The following PRKCA variants were observed in gnomAD, a reference collection of about 807,000 sequenced individuals.
PRKCA encodes protein kinase C alpha.
PRKCA carries 27 observed loss-of-function variants against 87.0 expected under a neutral mutation model. The ratio of observed to expected loss-of-function variants is 0.31; its 90% CI spans 0.23 to 0.43. The LOEUF is 0.43. Ranked by LOEUF, PRKCA falls within the 20% of genes least tolerant of loss-of-function variation. The probability of loss-of-function intolerance (pLI) is 1.00; values close to 1 mark genes in which losing one functional copy is unlikely to be tolerated. For synonymous variants in PRKCA, 329 were observed against 311.1 expected (o/e 1.06, Z -0.61); for missense variants, 518 against 852.3 (o/e 0.61, Z 4.88).
At chr17:66,451,387 A>ATTG (rs1914311425) in intron 2 of PRKCA, among the ~76,000 whole-genome samples, 3 of 126,466 alleles carry the variant, frequency 2.4e-5, no homozygotes, top group African/African-American at 8.7e-5. Context: ...TTTATTTATT[A>ATTG]CCTAAAACAA....
Position 66,645,523 on chromosome 17 carries a change from T to A in PRKCA, c.529+12T>A, listed in dbSNP as rs746967152. 4 of 1,614,146 alleles carry A rather than the reference T, an allele frequency of 2.5e-6. No individual in the cohort carries two copies. In the Admixed American group the frequency reaches 6.7e-5, roughly 27 times the overall value. On this transcript the variant is annotated intron_variant, in intron 5 of 16. Coordinates refer to ENST00000413366, the MANE Select transcript of PRKCA (RefSeq NM_002737.3). ...GCTCCATGTCACAGGTAAGGCTTGC[T>A]CATCCCGGAGCAGCATCGTGGGCAG...
chr17:66,782,378 GA>G (rs1420801897), intron 14 of PRKCA, among the ~76,000 whole-genome samples: 1 of 152,112 alleles, frequency 6.6e-6, no homozygotes, highest in African/African-American at 2.4e-5. Context: ...CCAAAGCTGG[GA>G]GGAGGCACTT....
At chr17:66,679,330 G>A (rs572748160) in intron 5 of PRKCA, among the ~76,000 whole-genome samples, 2 of 152,142 alleles carry the variant, frequency 1.3e-5, no homozygotes, top group Admixed American at 6.5e-5. Context: ...ACAGGCGTCC[G>A]CCACCACACC....
intron 3 of PRKCA, among the ~76,000 whole-genome samples, chr17:66,504,275 CAA>C (rs1916871804): frequency 6.9e-6 from 1 of 144,170 alleles, no homozygotes; most frequent in Non-Finnish European, 1.5e-5. Context: ...ACCAATTAGG[CAA>C]AGAGTTGTAC....
intron 5 of PRKCA, among the ~76,000 whole-genome samples, chr17:66,686,532 A>G (rs1352358069): frequency 6.6e-6 from 1 of 152,166 alleles, no homozygotes; most frequent in Non-Finnish European, 1.5e-5. Context: ...CTTGAGCCAC[A>G]TTCCTTGGAG....
intron 3 of PRKCA, among the ~76,000 whole-genome samples, chr17:66,529,734 C>T (rs371602064): frequency 2.6e-4 from 40 of 152,292 alleles, no homozygotes; most frequent in African/African-American, 9.1e-4. Context: ...TATGGAAGCA[C>T]TCTAGGGCCA....
intron 2 of PRKCA, among the ~76,000 whole-genome samples, chr17:66,443,886 G>A (rs1029486933): frequency 6.6e-6 from 1 of 152,098 alleles, no homozygotes; most frequent in Non-Finnish European, 1.5e-5. Context: ...ATGGATACCC[G>A]CTACATCTGA....
intron 14 of PRKCA, among the ~76,000 whole-genome samples, chr17:66,783,908 C>T (rs1182297212): frequency 2.6e-5 from 4 of 152,202 alleles, no homozygotes; most frequent in Non-Finnish European, 4.4e-5. Context: ...CCATTTAGCC[C>T]GCTTCGGGGG....
intron 2 of PRKCA, among the ~76,000 whole-genome samples, chr17:66,486,654 A>G (rs1916000071): frequency 6.6e-6 from 1 of 152,020 alleles, no homozygotes; most frequent in Admixed American, 6.6e-5. Flanking sequence ...CTCCCTCACC[A>G]TGAAGACATC....
intron 2 of PRKCA, among the ~76,000 whole-genome samples, chr17:66,393,654 G>GTT (rs902648270): frequency 1.3e-5 from 2 of 151,674 alleles, no homozygotes; most frequent in African/African-American, 4.8e-5. Context: ...GTGTGTGTGT[G>GTT]TGTGTGTGTG....
At chr17:66,414,808 TC>T (rs1326920117) in intron 2 of PRKCA, among the ~76,000 whole-genome samples, 11 of 152,180 alleles carry the variant, frequency 7.2e-5, no homozygotes, top group Non-Finnish European at 1.0e-4. Flanking sequence ...CTTGTGGTCT[TC>T]CTGCATGTAC....
At position 66,742,625 on chromosome 17, in the gene PRKCA, T is replaced by C. The variant is rs756914492; in HGVS notation, c.1389T>C (p.Asp463=). ...ATGTTAACCCGGTTCCTTGCAGGGATCTGAAGTTAGATAACGTCATGTTGG... is the reference window on the plus strand; with the variant it reads ...ATGTTAACCCGGTTCCTTGCAGGGACCTGAAGTTAGATAACGTCATGTTGG... The part of the protein sequence containing the change: ...FLHKRGIIYR[D]LKLDNVMLDS... The change falls in exon 13 of 17, where the codon GAT becomes GAC. Residue 463 remains aspartate (D), a synonymous_variant. Transcript: ENST00000413366. The C allele has an allele frequency of 1.9e-6, 3 of 1,614,130 alleles. No homozygotes were observed. The highest frequency in any genetic ancestry group is 2.5e-6 in the Non-Finnish European group (3 of 1,179,988).
intron 5 of PRKCA, among the ~76,000 whole-genome samples, chr17:66,665,822 G>A (rs1972029487): frequency 6.6e-6 from 1 of 152,174 alleles, no homozygotes; most frequent in African/African-American, 2.4e-5. Flanking sequence ...TGTTTGGGAT[G>A]GTGTTGGAGG....
At chr17:66,625,446 A>G (rs1457104586) in intron 3 of PRKCA, among the ~76,000 whole-genome samples, 5 of 152,218 alleles carry the variant, frequency 3.3e-5, no homozygotes, top group African/African-American at 7.2e-5. Flanking sequence ...ATGTCATTCT[A>G]TTCCCCTCTA....
intron 3 of PRKCA, among the ~76,000 whole-genome samples, chr17:66,636,463 G>A (rs1971154627): frequency 6.6e-6 from 1 of 152,192 alleles, no homozygotes; most frequent in South Asian, 2.1e-4. Context: ...CAGGCATGGG[G>A]TGCAGAAGTC....
chr17:66,449,902 C>T (rs1014915021), intron 2 of PRKCA, among the ~76,000 whole-genome samples: 2 of 152,012 alleles, frequency 1.3e-5, no homozygotes, highest in Non-Finnish European at 2.9e-5. Flanking sequence ...CCATGCGCTT[C>T]AGTTTGGAAG....
intron 2 of PRKCA, among the ~76,000 whole-genome samples, chr17:66,409,776 A>G (rs1270636819): frequency 6.6e-6 from 1 of 152,132 alleles, no homozygotes. Context: ...AAAAAGTACA[A>G]AAAAATTAGC....
chr17:66,780,903 T>C (rs1336982293), intron 14 of PRKCA, among the ~76,000 whole-genome samples: 3 of 149,256 alleles, frequency 2.0e-5, no homozygotes, highest in Non-Finnish European at 4.5e-5. Context: ...AGGTCAGGAG[T>C]TCAAGACCAG....
intron 3 of PRKCA, among the ~76,000 whole-genome samples, chr17:66,635,647 T>C (rs751685841): frequency 1.9e-4 from 29 of 152,228 alleles, no homozygotes; most frequent in Non-Finnish European, 5.9e-5. Flanking sequence ...GATGTTCCTT[T>C]GGTGCTGTTC....
Sources: gnomAD v4.1 joint callset for allele counts (sites outside exome capture counted in the v4.1 genomes callset) on GRCh38, gnomAD v4.1.1 for gene constraint, MANE v1.5 for transcripts, NCBI Gene and HGNC (gene_info 2026-07-23, HGNC 2026-07-21) for gene names.